Variants in ACSBG1 observed in about 807,000 individuals in gnomAD.
The protein encoded by ACSBG1 is long-chain-fatty-acid--CoA ligase ACSBG1.
A neutral mutation model predicts 80.2 loss-of-function variants in ACSBG1; 39 were observed. The ratio of observed to expected loss-of-function variants is 0.49; its 90% CI spans 0.38 to 0.64. The LOEUF (loss-of-function observed/expected upper bound fraction) is 0.64, where lower values mean the gene tolerates loss of function less well. Ranked by LOEUF, ACSBG1 falls within the 30% of genes least tolerant of loss-of-function variation. The pLI, the probability that ACSBG1 is intolerant of heterozygous loss-of-function variation, is 0.00. For missense variants in ACSBG1, 828 were observed against 966.4 expected (o/e 0.86, Z 1.90); for synonymous variants, 392 against 379.5 (o/e 1.03, Z -0.38).
At chr15:78,212,546 T>C (rs1286676436) in intron 1 of ACSBG1, 3 of 455,818 alleles carry the variant, frequency 6.6e-6, no homozygotes, top group Admixed American at 2.4e-5. Context: ...CCTTGTTCCT[T>C]ACGCAGTCCT....
At chr15:78,185,199 G>C (rs775648725) in intron 5 of ACSBG1, among the ~76,000 whole-genome samples, 11 of 152,188 alleles carry the variant, frequency 7.2e-5, no homozygotes, top group Admixed American at 1.3e-4. Flanking sequence ...ACTATATAGA[G>C]AAAGAGTTCT....
At chr15:78,229,558 C>T (rs773436944) in intron 1 of ACSBG1, among the ~76,000 whole-genome samples, 1 of 152,194 alleles carries the variant, frequency 6.6e-6, no homozygotes, top group Non-Finnish European at 1.5e-5. Context: ...TGCGACCGTT[C>T]CACATCCCTG....
intron 1 of ACSBG1, among the ~76,000 whole-genome samples, chr15:78,218,818 T>A (rs1336193631): frequency 5.1e-5 from 2 of 39,158 alleles, no homozygotes; most frequent in African/African-American, 1.9e-4. Context: ...CCTTTTTTTT[T>A]TTTTTTTTTT....
chr15:78,229,331 C>A (rs4887021), intron 1 of ACSBG1, among the ~76,000 whole-genome samples: 1 of 152,264 alleles, frequency 6.6e-6, no homozygotes, highest in Non-Finnish European at 1.5e-5. Flanking sequence ...GTGTTTTTTA[C>A]ATAATGGGAA....
At chr15:78,197,574 CTGG>C (rs774164376) in intron 2 of ACSBG1, among the ~76,000 whole-genome samples, 34 of 151,882 alleles carry the variant, frequency 2.2e-4, no homozygotes, top group South Asian at 4.2e-4. Context: ...CAAAAATTTG[CTGG>C]TGGTGGTGGT....
In ACSBG1 at chr15:78,178,937, G is replaced by A; in HGVS notation, c.1485-106C>T. ...CTCGGTCTTCACTGATTGCTAGAAG[G>A]TATCCCCTCACAGGGCTTTTGTATT... On this transcript the variant is annotated intron_variant, in intron 10 of 13. Coordinates refer to ENST00000258873, the MANE Select transcript of ACSBG1 (RefSeq NM_015162.5). The surrounding 1 kb of genome is among the most constrained non-coding windows in gnomAD (Gnocchi z 4.3). The A allele has an allele frequency of 8.6e-7, 1 of 1,159,200 alleles. No homozygotes were observed. Among genetic ancestry groups the A allele is most frequent in the Non-Finnish European group, 1.2e-6 (1 of 841,696 alleles). 71.8% of individuals were successfully genotyped at this position (1,159,200 alleles called of 1,614,324 possible).
intron 1 of ACSBG1, among the ~76,000 whole-genome samples, chr15:78,210,641 C>T (rs1329553866): frequency 1.3e-5 from 2 of 152,254 alleles, no homozygotes; most frequent in Middle Eastern, 3.4e-3. Flanking sequence ...GCAGACAGGG[C>T]CTTGCTCTGT....
intron 1 of ACSBG1, chr15:78,209,259 G>A (rs2075247362): frequency 2.2e-6 from 1 of 455,324 alleles, no homozygotes; most frequent in Admixed American, 2.4e-5. Flanking sequence ...CCTGAGATAG[G>A]TTTTAAAGCG....
chr15:78,194,860 A>G, intron 2 of ACSBG1, 134 bp from the exon 3 acceptor site: 2 of 734,706 alleles, frequency 2.7e-6, no homozygotes, highest in Non-Finnish European at 4.4e-6. Context: ...AGGCCAGGGT[A>G]GACTGGGGTA....
chr15:78,182,453 G>A lies in ACSBG1; in HGVS notation c.894+13C>T. The A allele has an allele frequency of 6.2e-7, 1 of 1,613,496 alleles. No homozygotes were observed. The highest frequency in any genetic ancestry group is 8.5e-7 in the Non-Finnish European group (1 of 1,179,840). On this transcript the variant is annotated intron_variant, in intron 7 of 13. Transcript: ENST00000258873. ...CCTTGCACCCCCCCCACCCCACCGG[G>A]CATCTGTCCTACATTGTCTTGACTC...
chr15:78,203,977 C>T (rs770429944), intron 2 of ACSBG1, among the ~76,000 whole-genome samples: 1 of 152,188 alleles, frequency 6.6e-6, no homozygotes, highest in South Asian at 2.1e-4. Flanking sequence ...CTCAGGGATA[C>T]AGAAGAGGAA....
chr15:78,184,839 T>C (rs576010021), intron 5 of ACSBG1, among the ~76,000 whole-genome samples: 1 of 152,330 alleles, frequency 6.6e-6, no homozygotes, highest in East Asian at 1.9e-4. Context: ...CCATACGGTG[T>C]ACACATTGGC....
chr15:78,206,014 G>T (rs892594492), intron 2 of ACSBG1, among the ~76,000 whole-genome samples: 1 of 152,000 alleles, frequency 6.6e-6, no homozygotes, highest in African/African-American at 2.4e-5. Context: ...TAGCGCAGAG[G>T]CTCCCCCTCC....
intron 1 of ACSBG1, among the ~76,000 whole-genome samples, chr15:78,215,352 T>C (rs2141375699): frequency 6.6e-6 from 1 of 152,288 alleles, no homozygotes; most frequent in Middle Eastern, 3.4e-3. Context: ...TCCAAACTGA[T>C]GAGGTTTGAA....
intron 1 of ACSBG1, among the ~76,000 whole-genome samples, chr15:78,211,535 A>G (rs555260367): frequency 4.6e-5 from 7 of 152,382 alleles, no homozygotes; most frequent in African/African-American, 1.7e-4. Flanking sequence ...AGCTCACATA[A>G]GCACACTTTA....
At chr15:78,212,960 C>T (rs2075279868) in intron 1 of ACSBG1, among the ~76,000 whole-genome samples, 2 of 152,182 alleles carry the variant, frequency 1.3e-5, no homozygotes, top group African/African-American at 4.8e-5. Context: ...ATAAAATCTC[C>T]AGGACTCCTG....
intron 5 of ACSBG1, among the ~76,000 whole-genome samples, chr15:78,192,635 A>G (rs28461704): frequency 0.16 from 24,337 of 152,158 alleles, 3,376 homozygotes; most frequent in African/African-American, 0.38. Flanking sequence ...TACTGGCCCC[A>G]CTTGCTTTTC....
Position 78,180,810 on chromosome 15 carries a change from T to A in ACSBG1, c.1198A>T (p.Met400Leu). 1 of 1,614,196 alleles carries A rather than the reference T, an allele frequency of 6.2e-7. No homozygotes were observed. Among genetic ancestry groups the A allele is most frequent in the Non-Finnish European group, 8.5e-7 (1 of 1,180,034 alleles). ...GTCACCGACATGGCCCACAGCAGCA[T>A]CTTTCGCCGGATGAAGCCAGACTGA... ...AAQSGFIRRK[M>L]LLWAMSVTLE... Residue 400 changes from methionine (M) to leucine (L), a missense_variant, in exon 9 of 14, where the codon ATG becomes TTG. By Grantham distance (15) the Met-to-Leu change is conservative. Around this residue, in one of 3 missense-constraint regions of ACSBG1, gnomAD observed 271 missense variants for 375.9 expected, o/e 0.72. Coordinates refer to ENST00000258873, the MANE Select transcript of ACSBG1 (RefSeq NM_015162.5).
At position 78,174,384 on chromosome 15, in the gene ACSBG1, C is replaced by T. The variant is rs781750037; in HGVS notation, c.1842+1G>A. 1 of 1,614,096 alleles carries T rather than the reference C, an allele frequency of 6.2e-7. No homozygotes were observed. The highest frequency in any genetic ancestry group is 8.5e-7 in the Non-Finnish European group (1 of 1,180,056). ...TCTGAGCTGGAGCCCCCCAGACACA[C>T]CTTCAAGGTGAGCAGCATGGACAGG... On this transcript the variant is annotated splice_donor_variant, in intron 12 of 13. Coordinates refer to ENST00000258873, the MANE Select transcript of ACSBG1 (RefSeq NM_015162.5). LOFTEE classifies it high-confidence loss of function.
Sources: allele counts gnomAD v4.1 joint callset (sites outside exome capture counted in the v4.1 genomes callset), GRCh38; gene constraint gnomAD v4.1.1; regional missense constraint gnomAD v4.1.1; non-coding constraint Gnocchi (gnomAD v3.1); transcripts MANE v1.5; gene names NCBI Gene and HGNC (gene_info 2026-07-23, HGNC 2026-07-21).